The following GTF2H1 variants were observed in gnomAD, a reference collection of about 807,000 sequenced individuals.
The protein encoded by GTF2H1 is BTF2 p62.
A neutral mutation model predicts 71.2 loss-of-function variants in GTF2H1; 16 were observed. The ratio of observed to expected loss-of-function variants is 0.22; its 90% CI spans 0.15 to 0.34. The LOEUF (loss-of-function observed/expected upper bound fraction) is 0.34. GTF2H1 is among the 10% of genes least tolerant of loss of function. The pLI is 1.00. For missense variants in GTF2H1, 498 were observed against 648.2 expected (o/e 0.77, Z 2.52); for synonymous variants, 215 against 219.0 (o/e 0.98, Z 0.16).
intron 1 of GTF2H1, among the ~76,000 whole-genome samples, chr11:18,330,506 G>A (rs1864869467): frequency 1.3e-5 from 2 of 152,338 alleles, no homozygotes; most frequent in Admixed American, 1.3e-4. Context: ...CACCAAGGCT[G>A]CAGTGAGCTA....
rs899360189 is a variant in GTF2H1, at chr11:18,352,507, C to A, written c.1260+61C>A. On this transcript the variant is annotated intron_variant, in intron 11 of 14. Transcript: ENST00000265963. Reference sequence around the variant, plus strand: ...CATAGTTCCTTCCTCAGTTTATGAGCACAAGCAGATTGAACCATACAACTA... The same window carrying A: ...CATAGTTCCTTCCTCAGTTTATGAGAACAAGCAGATTGAACCATACAACTA... 3.0e-5 allele frequency: 22 copies of A among 730,612 alleles called. No individual in the cohort carries two copies. The African/African-American group carries it at 3.3e-4, about 11-fold the overall frequency. The allele number at this position is 730,612 out of a possible 1,614,324, so 45.3% of individuals were successfully genotyped here.
rs941109979 is a variant in GTF2H1, at chr11:18,329,621, C to T, written c.-15-3439C>T. The stretch of plus-strand genomic sequence containing the variant: ...GGTGGCCTTCTCCACTATATGCCTC[C>T]ATCTTAACCATCCAACCTCATATCC... On this transcript the variant is annotated intron_variant, in intron 1 of 14. Transcript: ENST00000265963. Among the ~76,000 whole-genome samples, 7 of 152,332 alleles carry T rather than the reference C, an allele frequency of 4.6e-5. No individual in the cohort carries two copies. The South Asian group carries it at 6.2e-4, about 14-fold the overall frequency.
intron 3 of GTF2H1, among the ~76,000 whole-genome samples, chr11:18,337,719 G>A (rs1865065400): frequency 6.6e-6 from 1 of 152,082 alleles, no homozygotes; most frequent in African/African-American, 2.4e-5. Flanking sequence ...TTAAGTATAT[G>A]GGAGGATATG....
chr11:18,359,760 G>A (rs995110717), intron 13 of GTF2H1, among the ~76,000 whole-genome samples: 3 of 151,844 alleles, frequency 2.0e-5, no homozygotes, highest in African/African-American at 7.3e-5. Context: ...ACCCAGGCTG[G>A]AGTGCAGTGG....
At chr11:18,359,347 C>T in intron 13 of GTF2H1, among the ~76,000 whole-genome samples, 1 of 152,046 alleles carries the variant, frequency 6.6e-6, no homozygotes, top group East Asian at 1.9e-4. Flanking sequence ...TGGAGACCAG[C>T]CTGGACAACA....
intron 1 of GTF2H1, among the ~76,000 whole-genome samples, chr11:18,328,218 A>G (rs1864811562): frequency 6.7e-6 from 1 of 149,238 alleles, no homozygotes; most frequent in Admixed American, 6.7e-5. Context: ...AAAAAAAAAA[A>G]AAGAATATGG....
At position 18,347,869 on chromosome 11, in the gene GTF2H1, A is replaced by G. The variant is rs776086219; in HGVS notation, c.1003A>G (p.Met335Val). The G allele has an allele frequency of 3.8e-5, 62 of 1,613,488 alleles. No homozygotes were observed. Among genetic ancestry groups the G allele is most frequent in the Non-Finnish European group, 5.3e-5 (62 of 1,179,852 alleles). The change falls in exon 9 of 15, where the codon ATG becomes GTG. Residue 335 changes from methionine to valine, a missense_variant. By Grantham distance (21) the Met-to-Val change is conservative. Around this residue, in one of 3 missense-constraint regions of GTF2H1, gnomAD observed 266 missense variants for 301.6 expected, o/e 0.88. Transcript: ENST00000265963. ...QNEQTSEPSN[M>V]DGNSGDADCF... ...TGAACAAACTAGTGAGCCCAGCAAC[A>G]TGGATGGAAATTCCGGAGATGCAGA...
intron 7 of GTF2H1, among the ~76,000 whole-genome samples, chr11:18,346,733 C>T (rs1159276236): frequency 8.2e-5 from 7 of 85,214 alleles, no homozygotes; most frequent in South Asian, 4.6e-4. Context: ...TTTTTATTTA[C>T]TTTTTTTTTT....
At chr11:18,341,466 A>G (rs774123331) in intron 6 of GTF2H1, 56 bp downstream of exon 6, 10 of 1,605,426 alleles carry the variant, frequency 6.2e-6, no homozygotes, top group South Asian at 2.2e-5. Flanking sequence ...TCTAGACATT[A>G]TAAGTGTTAA....
At chr11:18,340,817 G>C (rs936242943) in intron 5 of GTF2H1, among the ~76,000 whole-genome samples, 1 of 152,126 alleles carries the variant, frequency 6.6e-6, no homozygotes, top group Non-Finnish European at 1.5e-5. Context: ...TTTAAACTCA[G>C]AGCTCAGCAA....
chr11:18,352,163 G>A (rs1026959870), intron 10 of GTF2H1, 166 bp from the exon 11 acceptor site: 3 of 628,060 alleles, frequency 4.8e-6, no homozygotes, highest in Non-Finnish European at 8.6e-6. Flanking sequence ...TTCTGCTGTT[G>A]CTTTCTTATT....
chr11:18,345,799 T>G (rs1865280335), intron 7 of GTF2H1, among the ~76,000 whole-genome samples: 1 of 147,908 alleles, frequency 6.8e-6, no homozygotes, highest in Non-Finnish European at 1.5e-5. Flanking sequence ...CATATGAGTT[T>G]TTTTTTTTTT....
At chr11:18,357,138 C>T (rs1423248269) in intron 11 of GTF2H1, among the ~76,000 whole-genome samples, 1 of 152,154 alleles carries the variant, frequency 6.6e-6, no homozygotes, top group Admixed American at 6.5e-5. Flanking sequence ...TGGATTTCTA[C>T]TCATAAAAAC....
intron 14 of GTF2H1, 148 bp from the exon 15 acceptor site, chr11:18,365,632 CCTT>C (rs1395600139): frequency 1.7e-6 from 1 of 588,998 alleles, no homozygotes; most frequent in East Asian, 2.8e-5. Flanking sequence ...TCTGACAGCA[CCTT>C]CTCAGAGGGC....
intron 5 of GTF2H1, 80 bp downstream of exon 5, chr11:18,339,737 A>G: frequency 1.2e-6 from 1 of 834,126 alleles, no homozygotes; most frequent in South Asian, 1.7e-5. Context: ...AAAAAGCTTC[A>G]GATTCCTGAT....
intron 2 of GTF2H1, among the ~76,000 whole-genome samples, chr11:18,334,549 A>T (rs1864979895): frequency 6.6e-6 from 1 of 152,220 alleles, no homozygotes; most frequent in South Asian, 2.1e-4. Flanking sequence ...TGTGATAACC[A>T]CAGTGTACAA....
chr11:18,337,446 A>G (rs1229970871), intron 3 of GTF2H1, among the ~76,000 whole-genome samples: 1 of 152,088 alleles, frequency 6.6e-6, no homozygotes, highest in African/African-American at 2.4e-5. Context: ...CTCCATCTCA[A>G]AAAAGAAAAA....
At chr11:18,337,872 TTTAATC>T (rs1392279755) in intron 3 of GTF2H1, among the ~76,000 whole-genome samples, 2 of 152,022 alleles carry the variant, frequency 1.3e-5, no homozygotes, top group Non-Finnish European at 2.9e-5. Flanking sequence ...CCTCAAAGGG[TTTAATC>T]TTTCCTTTAC....
chr11:18,348,231 A>T lies in GTF2H1; in HGVS notation c.1053+312A>T, dbSNP rs539792288. The T allele has an allele frequency of 4.9e-5, 20 of 412,312 alleles. No homozygotes were observed. The South Asian group carries it at 1.8e-3, about 37-fold the overall frequency. The allele number at this position is 412,312 out of a possible 1,614,324, so 25.5% of individuals were successfully genotyped here. The stretch of plus-strand genomic sequence containing the variant: ...TTTGTTCTCTGGGAATAAAATCTTC[A>T]TTCAACAGAGGCAATATGACAGAAA... On this transcript the variant is annotated intron_variant, in intron 9 of 14. Coordinates refer to ENST00000265963, the MANE Select transcript of GTF2H1 (RefSeq NM_005316.4).
Sources: allele counts gnomAD v4.1 joint callset (sites outside exome capture counted in the v4.1 genomes callset), GRCh38; gene constraint gnomAD v4.1.1; regional missense constraint gnomAD v4.1.1; transcripts MANE v1.5; gene names NCBI Gene and HGNC (gene_info 2026-07-23, HGNC 2026-07-21).